Variants in CADM2 observed in about 807,000 individuals in gnomAD.
CADM2 encodes the protein immunoglobulin superfamily member 4D.
Under a neutral mutation model 49.8 loss-of-function variants are expected in CADM2, and 12 were observed. The ratio of observed to expected loss-of-function variants is 0.24; its 90% CI spans 0.15 to 0.39. The LOEUF (loss-of-function observed/expected upper bound fraction) is 0.39, where lower values mean the gene tolerates loss of function less well. Among genes scored for constraint, CADM2 ranks in the 10% least tolerant of loss-of-function variants. The pLI, the probability that CADM2 is intolerant of heterozygous loss-of-function variation, is 1.00. For missense variants in CADM2, 378 were observed against 492.3 expected, an observed-to-expected ratio of 0.77 and a Z score of 2.20; for synonymous variants, 214 against 175.4, an observed-to-expected ratio of 1.22 and a Z score of -1.74.
At chr3:85,630,587 G>C (rs112592472) in intron 1 of CADM2, among the ~76,000 whole-genome samples, 26 of 152,154 alleles carry the variant, frequency 1.7e-4, no homozygotes, top group African/African-American at 6.3e-4. Flanking sequence ...TGAAGTCAAA[G>C]AATCTGCATT....
intron 7 of CADM2, among the ~76,000 whole-genome samples, chr3:85,958,063 T>C (rs1724277148): frequency 6.6e-6 from 1 of 151,962 alleles, no homozygotes; most frequent in Admixed American, 6.6e-5. Flanking sequence ...AAAGGTCTAA[T>C]ATTTAGAATC....
chr3:86,055,470 T>TG (rs1382362588), intron 8 of CADM2, among the ~76,000 whole-genome samples: 1 of 131,992 alleles, frequency 7.6e-6, no homozygotes, highest in African/African-American at 2.9e-5. Flanking sequence ...TTTTTTTTTT[T>TG]TTTTTTTTTG....
At chr3:85,757,217 TAGA>T (rs1233653155) in intron 2 of CADM2, among the ~76,000 whole-genome samples, 3 of 152,148 alleles carry the variant, frequency 2.0e-5, no homozygotes, top group Non-Finnish European at 4.4e-5. Context: ...GCAATGATAT[TAGA>T]AGACTATAAG....
intron 1 of CADM2, among the ~76,000 whole-genome samples, chr3:85,333,925 C>T (rs181680432): frequency 5.3e-5 from 8 of 151,626 alleles, no homozygotes; most frequent in Non-Finnish European, 7.4e-5. Flanking sequence ...AAAATCTTAC[C>T]GTGTACAATT....
At chr3:85,903,970 C>T (rs1716468202) in intron 5 of CADM2, among the ~76,000 whole-genome samples, 1 of 152,042 alleles carries the variant, frequency 6.6e-6, no homozygotes, top group South Asian at 2.1e-4. Flanking sequence ...ACAGGAAGGC[C>T]GTTGCTAGTT....
chr3:85,765,691 G>A (rs2069621829), intron 2 of CADM2, among the ~76,000 whole-genome samples: 1 of 151,736 alleles, frequency 6.6e-6, no homozygotes, highest in South Asian at 2.1e-4. Flanking sequence ...TTTTTATCAT[G>A]TATTTCTTAT....
At chr3:85,958,278 A>G (rs929017993) in intron 7 of CADM2, among the ~76,000 whole-genome samples, 1 of 152,004 alleles carries the variant, frequency 6.6e-6, no homozygotes, top group South Asian at 2.1e-4. Flanking sequence ...AATGGCGATT[A>G]TTAAAAAGTC....
chr3:85,335,310 G>A (rs1334702502), intron 1 of CADM2, among the ~76,000 whole-genome samples: 3 of 151,366 alleles, frequency 2.0e-5, no homozygotes, highest in Admixed American at 1.3e-4. Context: ...TATCGGGGTA[G>A]CATTTTGCAC....
At chr3:85,957,347 A>G (rs569725902) in intron 7 of CADM2, among the ~76,000 whole-genome samples, 64 of 151,870 alleles carry the variant, frequency 4.2e-4, no homozygotes, top group Non-Finnish European at 6.3e-4. Context: ...CCAATATTTT[A>G]TATACCTAGT....
At chr3:85,489,715 T>G (rs1284685656) in intron 1 of CADM2, among the ~76,000 whole-genome samples, 2 of 148,356 alleles carry the variant, frequency 1.3e-5, no homozygotes, top group African/African-American at 5.0e-5. Flanking sequence ...GAACTTTGAA[T>G]TAAAGTGTCC....
intron 1 of CADM2, among the ~76,000 whole-genome samples, chr3:85,372,881 T>A (rs2033352596): frequency 1.3e-5 from 2 of 152,068 alleles, no homozygotes; most frequent in Non-Finnish European, 2.9e-5. Context: ...TTTACTATCA[T>A]GAGAACAGCA....
At chr3:85,265,034 T>C (rs2043091877) in intron 1 of CADM2, among the ~76,000 whole-genome samples, 1 of 151,992 alleles carries the variant, frequency 6.6e-6, no homozygotes, top group Non-Finnish European at 1.5e-5. Context: ...AAATAACATA[T>C]GTAAAGCTCT....
chr3:85,986,861 G>T (rs1051721899), intron 8 of CADM2, among the ~76,000 whole-genome samples: 1 of 151,992 alleles, frequency 6.6e-6, no homozygotes, highest in Non-Finnish European at 1.5e-5. Flanking sequence ...GCAGGATGTG[G>T]GTAGGAATAC....
chr3:85,421,495 C>T (rs2196097), intron 1 of CADM2, among the ~76,000 whole-genome samples: 25,548 of 152,066 alleles, frequency 0.17, 2,615 homozygotes, highest in Non-Finnish European at 0.23. Context: ...CATTCACTCT[C>T]TTATGCTCCA....
chr3:84,962,441 AG>A (rs1431723809), intron 1 of CADM2, among the ~76,000 whole-genome samples: 1 of 152,096 alleles, frequency 6.6e-6, no homozygotes, highest in African/African-American at 2.4e-5. Context: ...TCCTTGTCTT[AG>A]GCTTGGCTGA....
At chr3:85,015,754 C>G (rs1414562082) in intron 1 of CADM2, among the ~76,000 whole-genome samples, 1 of 152,040 alleles carries the variant, frequency 6.6e-6, no homozygotes, top group Non-Finnish European at 1.5e-5. Flanking sequence ...AGGGAAAGGA[C>G]ACATTTATGA....
At chr3:85,120,685 G>A (rs376727034) in intron 1 of CADM2, among the ~76,000 whole-genome samples, 14 of 152,128 alleles carry the variant, frequency 9.2e-5, no homozygotes, top group African/African-American at 2.6e-4. Context: ...TGGGGGGTAG[G>A]GGGCCAGGGG....
chr3:85,587,630 T>C (rs2062981347), intron 1 of CADM2, among the ~76,000 whole-genome samples: 1 of 152,078 alleles, frequency 6.6e-6, no homozygotes, highest in Non-Finnish European at 1.5e-5. Flanking sequence ...TCCCTTTTCA[T>C]GTTTCATGAA....
chr3:85,672,402 C>T (rs773105449), intron 1 of CADM2, among the ~76,000 whole-genome samples: 6 of 151,860 alleles, frequency 4.0e-5, no homozygotes, highest in South Asian at 2.1e-4. Flanking sequence ...CCGTGTTAAC[C>T]GGGATGGTCT....
Sources: allele counts gnomAD v4.1 joint callset (sites outside exome capture counted in the v4.1 genomes callset), GRCh38; gene constraint gnomAD v4.1.1; transcripts MANE v1.5; gene names NCBI Gene and HGNC (gene_info 2026-07-23, HGNC 2026-07-21).